ULK4: variants seen among roughly 807,000 people sequenced by gnomAD.
ULK4 encodes unc-51 like kinase 4.
A neutral mutation model predicts 160.6 loss-of-function variants in ULK4; 133 were observed. The ratio of observed to expected loss-of-function variants is 0.83; its 90% CI spans 0.72 to 0.96. The LOEUF (loss-of-function observed/expected upper bound fraction) is 0.96. Ranked by LOEUF, ULK4 falls within the 40% of genes least tolerant of loss-of-function variation. The pLI is 0.00. For synonymous variants in ULK4, 534 were observed against 539.8 expected, an observed-to-expected ratio of 0.99 and a Z score of 0.15; for missense variants, 1,580 against 1,499.5, an observed-to-expected ratio of 1.05 and a Z score of -0.89.
chr3:41,462,429 G>A (rs2083708329), intron 33 of ULK4, among the ~76,000 whole-genome samples: 1 of 152,112 alleles, frequency 6.6e-6, no homozygotes, highest in South Asian at 2.1e-4. Flanking sequence ...GACTCCATCG[G>A]TTAGACAGAG....
At chr3:41,495,394 G>A (rs13080461) in intron 32 of ULK4, among the ~76,000 whole-genome samples, 67,748 of 150,920 alleles carry the variant, frequency 0.45, 15,751 homozygotes, top group Admixed American at 0.52. Context: ...GCTGAAACTG[G>A]ATCCCTTCCT....
intron 35 of ULK4, among the ~76,000 whole-genome samples, chr3:41,388,191 C>G (rs1411123123): frequency 6.6e-6 from 1 of 152,128 alleles, no homozygotes; most frequent in African/African-American, 2.4e-5. Flanking sequence ...AGTGTCTGTT[C>G]ATATCCTTCA....
chr3:41,511,129 C>T (rs1412190064), intron 32 of ULK4, among the ~76,000 whole-genome samples: 1 of 144,598 alleles, frequency 6.9e-6, no homozygotes, highest in Non-Finnish European at 1.5e-5. Flanking sequence ...TGCCACTGCA[C>T]TCCAGCCTGG....
intron 2 of ULK4, among the ~76,000 whole-genome samples, chr3:41,951,188 A>G (rs1443716053): frequency 4.0e-5 from 6 of 151,452 alleles, no homozygotes; most frequent in Non-Finnish European, 8.8e-5. Context: ...AAGTGGGAAA[A>G]TATCACGTGT....
At chr3:41,552,923 G>T (rs1264723965) in intron 32 of ULK4, among the ~76,000 whole-genome samples, 1 of 152,042 alleles carries the variant, frequency 6.6e-6, no homozygotes, top group Non-Finnish European at 1.5e-5. Flanking sequence ...CAATGGAGCA[G>T]AACTGAGATC....
intron 5 of ULK4, among the ~76,000 whole-genome samples, chr3:41,920,607 T>G (rs990956168): frequency 1.3e-5 from 2 of 152,156 alleles, no homozygotes; most frequent in African/African-American, 4.8e-5. Context: ...TCCTTGTCTC[T>G]CCCTGGTGCA....
chr3:41,774,863 C>T (rs112718692), intron 21 of ULK4, among the ~76,000 whole-genome samples: 18,323 of 149,578 alleles, frequency 0.12, 1,495 homozygotes, highest in Middle Eastern at 0.27. Context: ...GAAAATGTGG[C>T]ACATATACAC....
In ULK4 at chr3:41,671,802, A is replaced by G. The variant is rs1299922144; in HGVS notation, c.2979-8103T>C. Among the ~76,000 whole-genome samples, 3 of 152,136 alleles carry G rather than the reference A, an allele frequency of 2.0e-5. 1 individual carries two copies. Among genetic ancestry groups the G allele is most frequent in the Admixed American group, 6.5e-5 (1 of 15,270 alleles). On this transcript the variant is annotated intron_variant, in intron 29 of 36. Transcript: ENST00000301831. ...GAGATAAACTGCTTACTGGGAGAAA[A>G]TATTTGCAAACTACACAACCAAGAG...
intron 5 of ULK4, among the ~76,000 whole-genome samples, chr3:41,925,930 G>A (rs1191150747): frequency 6.6e-6 from 1 of 152,192 alleles, no homozygotes; most frequent in Non-Finnish European, 1.5e-5. Flanking sequence ...AGATTCAGCA[G>A]ACTTAAACGT....
intron 34 of ULK4, among the ~76,000 whole-genome samples, chr3:41,413,538 C>A (rs2082455246): frequency 6.6e-6 from 1 of 152,112 alleles, no homozygotes; most frequent in African/African-American, 2.4e-5. Context: ...ATATTACCAC[C>A]ATTACCCTCC....
chr3:41,935,178 A>G (rs1394154118), intron 4 of ULK4, among the ~76,000 whole-genome samples: 5 of 145,378 alleles, frequency 3.4e-5, no homozygotes, highest in African/African-American at 1.3e-4. Flanking sequence ...CACCATGCCC[A>G]GCTATTTTTT....
intron 32 of ULK4, among the ~76,000 whole-genome samples, chr3:41,563,571 T>A (rs924461483): frequency 6.6e-5 from 10 of 152,228 alleles, no homozygotes; most frequent in African/African-American, 2.4e-4. Context: ...TTACTCTTTT[T>A]TCTCTAAACT....
At chr3:41,260,625 T>G (rs1234008135) in intron 35 of ULK4, among the ~76,000 whole-genome samples, 1 of 152,160 alleles carries the variant, frequency 6.6e-6, no homozygotes, top group Non-Finnish European at 1.5e-5. Context: ...CCCTAAGGAT[T>G]CCCATCAGTG....
chr3:41,311,708 A>G (rs891221990), intron 35 of ULK4, among the ~76,000 whole-genome samples: 1 of 151,384 alleles, frequency 6.6e-6, no homozygotes, highest in African/African-American at 2.4e-5. Flanking sequence ...AGCTGGGACT[A>G]CAGGCACGTG....
intron 25 of ULK4, among the ~76,000 whole-genome samples, chr3:41,705,643 T>G (rs9832168): frequency 0.08 from 12,198 of 152,068 alleles, 1,151 homozygotes; most frequent in African/African-American, 0.23. Flanking sequence ...ATTACAGGCA[T>G]GTGCCACCAC....
chr3:41,771,121 A>G (rs1292707184), intron 21 of ULK4, among the ~76,000 whole-genome samples: 1 of 152,192 alleles, frequency 6.6e-6, no homozygotes, highest in Admixed American at 6.5e-5. Context: ...AGCTCACTCC[A>G]TCAAGTAGTA....
intron 32 of ULK4, among the ~76,000 whole-genome samples, chr3:41,547,036 G>C (rs1217287719): frequency 6.6e-6 from 1 of 152,106 alleles, no homozygotes; most frequent in African/African-American, 2.4e-5. Context: ...ACTTTGTTGA[G>C]TTTTACTGTC....
At chr3:41,430,884 A>G (rs1300580071) in intron 34 of ULK4, among the ~76,000 whole-genome samples, 1 of 152,040 alleles carries the variant, frequency 6.6e-6, no homozygotes, top group Non-Finnish European at 1.5e-5. Flanking sequence ...ATGCTTTCTG[A>G]GCTTACAAGC....
intron 17 of ULK4, among the ~76,000 whole-genome samples, chr3:41,850,036 C>T (rs2042171720): frequency 6.6e-6 from 1 of 152,050 alleles, no homozygotes. Flanking sequence ...TGTTCAATTC[C>T]CACCTATGAG....
Sources: gnomAD v4.1 joint callset for allele counts (sites outside exome capture counted in the v4.1 genomes callset) on GRCh38, gnomAD v4.1.1 for gene constraint, MANE v1.5 for transcripts, NCBI Gene and HGNC (gene_info 2026-07-23, HGNC 2026-07-21) for gene names.